The following MITF variants were observed in gnomAD, a reference collection of about 807,000 sequenced individuals.
The protein encoded by MITF is microphthalmia-associated transcription factor.
A neutral mutation model predicts 60.5 loss-of-function variants in MITF; 17 were observed. The ratio of observed to expected loss-of-function variants is 0.28; its 90% CI spans 0.19 to 0.42. The LOEUF is 0.42. Ranked by LOEUF, MITF falls within the 10% of genes least tolerant of loss-of-function variation. The pLI is 1.00. For missense variants in MITF, 622 were observed against 683.5 expected (o/e 0.91, Z 1.00); for synonymous variants, 260 against 248.5 (o/e 1.05, Z -0.43).
At chr3:69,799,330 A>G (rs1228360153) in intron 1 of MITF, among the ~76,000 whole-genome samples, 2 of 152,204 alleles carry the variant, frequency 1.3e-5, no homozygotes, top group Non-Finnish European at 2.9e-5. Context: ...GAAGAAGCTG[A>G]GCAGGAAATA....
intron 2 of MITF, among the ~76,000 whole-genome samples, chr3:69,909,103 T>A (rs1321521644): frequency 2.0e-5 from 3 of 152,010 alleles, no homozygotes; most frequent in Non-Finnish European, 4.4e-5. Flanking sequence ...AATTCCCACA[T>A]GTTGTGGGAA....
At chr3:69,891,161 C>T (rs1163535712) in intron 2 of MITF, among the ~76,000 whole-genome samples, 1 of 152,082 alleles carries the variant, frequency 6.6e-6, no homozygotes, top group Non-Finnish European at 1.5e-5. Context: ...GTTTTAAAAT[C>T]ACATACCTAA....
chr3:69,749,745 A>C (rs950848053), intron 1 of MITF, among the ~76,000 whole-genome samples: 1 of 152,218 alleles, frequency 6.6e-6, no homozygotes, highest in African/African-American at 2.4e-5. Context: ...GATAACTTGT[A>C]AGAGGTCGGC....
At chr3:69,793,885 G>A (rs553453184) in intron 1 of MITF, among the ~76,000 whole-genome samples, 25 of 152,294 alleles carry the variant, frequency 1.6e-4, no homozygotes, top group African/African-American at 5.8e-4. Flanking sequence ...TATAAGTTGT[G>A]CTATCTCAAT....
At chr3:69,905,278 T>G (rs938313383) in intron 2 of MITF, among the ~76,000 whole-genome samples, 17 of 152,184 alleles carry the variant, frequency 1.1e-4, no homozygotes, top group Non-Finnish European at 2.4e-4. Context: ...GCATAATTAA[T>G]TTGCAGTTCA....
rs77069628 is a variant in MITF, at chr3:69,747,929, G to A, written c.104+8228G>A. Among the ~76,000 whole-genome samples, 123 of 152,272 alleles carry A rather than the reference G, an allele frequency of 8.1e-4. 5 individuals are homozygous for A. The East Asian group carries it at 0.02, about 24-fold the overall frequency. ...AAGTAATTGAGGATTAAAAAGGAAA[G>A]CCTGAGATTGATTTCACAAAACATA... On this transcript the variant is annotated intron_variant, in intron 1 of 9. Transcript: ENST00000352241.
At chr3:69,770,330 C>T (rs1047425231) in intron 1 of MITF, among the ~76,000 whole-genome samples, 13 of 152,196 alleles carry the variant, frequency 8.5e-5, no homozygotes, top group South Asian at 2.1e-4. Flanking sequence ...GTATGCATTC[C>T]AGAGAATCCT....
At chr3:69,845,258 A>G (rs1294617081) in intron 1 of MITF, among the ~76,000 whole-genome samples, 2 of 152,146 alleles carry the variant, frequency 1.3e-5, no homozygotes, top group South Asian at 2.1e-4. Flanking sequence ...TATTAAATAT[A>G]TAAATATTAA....
intron 8 of MITF, among the ~76,000 whole-genome samples, chr3:69,957,058 A>G (rs2066417257): frequency 6.6e-6 from 1 of 152,168 alleles, no homozygotes; most frequent in Non-Finnish European, 1.5e-5. Flanking sequence ...TAGTGTTTTA[A>G]TCCTCTTATT....
chr3:69,775,914 C>T (rs1264779017), intron 1 of MITF, among the ~76,000 whole-genome samples: 5 of 152,190 alleles, frequency 3.3e-5, no homozygotes, highest in African/African-American at 9.7e-5. Flanking sequence ...TTTTCCCAAG[C>T]TCGGTTGGCA....
chr3:69,905,817 A>C (rs969575274), intron 2 of MITF, among the ~76,000 whole-genome samples: 5 of 151,976 alleles, frequency 3.3e-5, no homozygotes, highest in Admixed American at 2.0e-4. Flanking sequence ...AGTGTGTGCA[A>C]ATCATTTGCC....
chr3:69,773,280 T>C (rs1469760415), intron 1 of MITF, among the ~76,000 whole-genome samples: 1 of 152,082 alleles, frequency 6.6e-6, no homozygotes, highest in Non-Finnish European at 1.5e-5. Flanking sequence ...GTGGGGTCAG[T>C]GAAGGAATGG....
intron 2 of MITF, among the ~76,000 whole-genome samples, chr3:69,915,425 A>G (rs767195100): frequency 3.9e-5 from 6 of 152,038 alleles, no homozygotes; most frequent in Non-Finnish European, 8.8e-5. Context: ...TCTTGTTTGT[A>G]TAAAGAAATC....
chr3:69,952,929 C>A (rs1475469335), intron 7 of MITF, among the ~76,000 whole-genome samples: 1 of 152,102 alleles, frequency 6.6e-6, no homozygotes, highest in African/African-American at 2.4e-5. Flanking sequence ...AGTAACTTCC[C>A]AACTGCTGTG....
At chr3:69,892,035 T>C (rs1273743196) in intron 2 of MITF, among the ~76,000 whole-genome samples, 2 of 152,248 alleles carry the variant, frequency 1.3e-5, no homozygotes, top group African/African-American at 4.8e-5. Flanking sequence ...TGAATCCATT[T>C]GTCCACAAAT....
intron 2 of MITF, among the ~76,000 whole-genome samples, chr3:69,926,101 G>T (rs531757951): frequency 6.6e-6 from 1 of 152,124 alleles, no homozygotes; most frequent in Non-Finnish European, 1.5e-5. Flanking sequence ...CATTAAACCT[G>T]CATGCGAAGC....
chr3:69,837,339 C>T (rs900112646), intron 1 of MITF, among the ~76,000 whole-genome samples: 1 of 152,142 alleles, frequency 6.6e-6, no homozygotes, highest in African/African-American at 2.4e-5. Flanking sequence ...AGCGCAATAC[C>T]TTTTGATTTT....
intron 1 of MITF, among the ~76,000 whole-genome samples, chr3:69,872,718 A>G: frequency 6.6e-6 from 1 of 152,062 alleles, no homozygotes; most frequent in Admixed American, 6.5e-5. Flanking sequence ...GGTCCAGCTT[A>G]AAAAAAATGT....
At chr3:69,762,120 T>C (rs1559614716) in intron 1 of MITF, among the ~76,000 whole-genome samples, 1 of 152,202 alleles carries the variant, frequency 6.6e-6, no homozygotes, top group East Asian at 1.9e-4. Flanking sequence ...AACTTCTGCC[T>C]TGACTTGTGG....
Sources: allele counts gnomAD v4.1 joint callset (sites outside exome capture counted in the v4.1 genomes callset), GRCh38; gene constraint gnomAD v4.1.1; transcripts MANE v1.5; gene names NCBI Gene and HGNC (gene_info 2026-07-23, HGNC 2026-07-21).